The following RPS6KC1 variants were observed in gnomAD, a reference collection of about 807,000 sequenced individuals.
RPS6KC1 encodes ribosomal protein S6 kinase C1, also known as inactive ribosomal protein S6 kinase delta-1.
A neutral mutation model predicts 103.8 loss-of-function variants in RPS6KC1; 54 were observed. The ratio of observed to expected loss-of-function variants is 0.52; its 90% CI spans 0.42 to 0.65. The LOEUF (loss-of-function observed/expected upper bound fraction) is 0.65, where lower values mean the gene tolerates loss of function less well. Ranked by LOEUF, RPS6KC1 falls within the 30% of genes least tolerant of loss-of-function variation. RPS6KC1 has a pLI of 0.00. For missense variants in RPS6KC1, 1,151 were observed against 1,253.8 expected (o/e 0.92, Z 1.24); for synonymous variants, 439 against 438.7 (o/e 1.00, Z -0.01).
the RPS6KC1 span, among the ~76,000 whole-genome samples, chr1:213,437,136 A>G: frequency 6.6e-6 from 1 of 152,088 alleles, no homozygotes; most frequent in Non-Finnish European, 1.5e-5. Flanking sequence ...GTGTGCTATA[A>G]TTTTTCGAAG....
chr1:213,188,574 T>G (rs146929330), intron 8 of RPS6KC1, among the ~76,000 whole-genome samples: 1 of 152,310 alleles, frequency 6.6e-6, no homozygotes, highest in African/African-American at 2.4e-5. Context: ...CAGCTTGCAC[T>G]TATATTTCTA....
intron 1 of RPS6KC1, among the ~76,000 whole-genome samples, chr1:213,064,568 A>C (rs1388135428): frequency 6.7e-6 from 1 of 150,072 alleles, no homozygotes; most frequent in Non-Finnish European, 1.5e-5. Flanking sequence ...GGGTTTCACC[A>C]TGTTGGTCAG....
chr1:213,167,576 T>C (rs1205872244), intron 6 of RPS6KC1, among the ~76,000 whole-genome samples: 1 of 152,048 alleles, frequency 6.6e-6, no homozygotes, highest in Admixed American at 6.6e-5. Context: ...TTCAGAGCTT[T>C]TTACAAATAG....
chr1:213,638,418 T>A, the RPS6KC1 span, among the ~76,000 whole-genome samples: 2 of 152,130 alleles, frequency 1.3e-5, no homozygotes, highest in African/African-American at 4.8e-5. Context: ...TTTTCATGTC[T>A]AGGAGGTCTT....
At chr1:213,542,926 C>T in the RPS6KC1 span, among the ~76,000 whole-genome samples, 1 of 152,144 alleles carries the variant, frequency 6.6e-6, no homozygotes, top group Non-Finnish European at 1.5e-5. Context: ...CGCAAACCAG[C>T]CCTTATGCTA....
the RPS6KC1 span, among the ~76,000 whole-genome samples, chr1:213,368,870 C>T: frequency 6.6e-6 from 1 of 152,170 alleles, no homozygotes. Flanking sequence ...GAAGCTTTGT[C>T]GGTTTTTATG....
At chr1:213,095,761 C>A (rs895355093) in intron 3 of RPS6KC1, among the ~76,000 whole-genome samples, 1 of 152,164 alleles carries the variant, frequency 6.6e-6, no homozygotes, top group Non-Finnish European at 1.5e-5. Context: ...TGTGCAGTAG[C>A]ACTATGTCTT....
intron 12 of RPS6KC1, among the ~76,000 whole-genome samples, chr1:213,254,890 A>G (rs1343156204): frequency 6.6e-6 from 1 of 152,166 alleles, no homozygotes; most frequent in Non-Finnish European, 1.5e-5. Flanking sequence ...AGAAATTGCA[A>G]TTATAGAATG....
chr1:213,838,160 GA>G, the RPS6KC1 span, among the ~76,000 whole-genome samples: 18 of 150,672 alleles, frequency 1.2e-4, no homozygotes, highest in Non-Finnish European at 2.1e-4. Context: ...GTTTCTTCAT[GA>G]AAAAAAAATC....
At chr1:213,803,967 G>T in the RPS6KC1 span, among the ~76,000 whole-genome samples, 15 of 148,752 alleles carry the variant, frequency 1.0e-4, no homozygotes, top group Non-Finnish European at 1.8e-4. Flanking sequence ...GTCGGGGGGT[G>T]GGGGGCTGGG....
intron 6 of RPS6KC1, among the ~76,000 whole-genome samples, chr1:213,162,631 A>T (rs546807887): frequency 8.5e-5 from 13 of 152,356 alleles, no homozygotes; most frequent in Non-Finnish European, 1.5e-4. Flanking sequence ...TTCTCTCTTT[A>T]AAATTGCATA....
chr1:213,289,253 C>CAAAAA, the RPS6KC1 span, among the ~76,000 whole-genome samples: 31 of 76,962 alleles, frequency 4.0e-4, no homozygotes, highest in Middle Eastern at 8.9e-3. Flanking sequence ...GTTGGATGCT[C>CAAAAA]AAAAAAAAAA....
At chr1:213,457,551 A>G in the RPS6KC1 span, among the ~76,000 whole-genome samples, 6 of 152,326 alleles carry the variant, frequency 3.9e-5, no homozygotes, top group Admixed American at 2.0e-4. Context: ...TGGGCAACCC[A>G]CTTCTGCAAC....
At chr1:213,648,307 CA>C in the RPS6KC1 span, among the ~76,000 whole-genome samples, 5 of 152,108 alleles carry the variant, frequency 3.3e-5, no homozygotes, top group Admixed American at 1.3e-4. Flanking sequence ...GTGTCCTTCC[CA>C]TTTTTTAATA....
the RPS6KC1 span, among the ~76,000 whole-genome samples, chr1:213,753,563 CT>C: frequency 1.3e-5 from 2 of 152,140 alleles, no homozygotes; most frequent in Non-Finnish European, 1.5e-5. Context: ...TGCTCACCGT[CT>C]TTGTTTCCCA....
intron 7 of RPS6KC1, among the ~76,000 whole-genome samples, chr1:213,169,325 A>G (rs901353715): frequency 1.3e-5 from 2 of 152,242 alleles, no homozygotes; most frequent in African/African-American, 4.8e-5. Flanking sequence ...CATTTCTTAT[A>G]AAACAAAAAG....
chr1:213,726,818 A>C, the RPS6KC1 span, among the ~76,000 whole-genome samples: 1 of 152,236 alleles, frequency 6.6e-6, no homozygotes, highest in Non-Finnish European at 1.5e-5. Context: ...GAACATATTG[A>C]AGCTAACCCA....
chr1:213,183,225 A>G (rs1236029387), intron 8 of RPS6KC1, among the ~76,000 whole-genome samples: 1 of 152,154 alleles, frequency 6.6e-6, no homozygotes, highest in Non-Finnish European at 1.5e-5. Context: ...ACAGGTGGAG[A>G]CTTCAACTGT....
At chr1:213,664,209 G>C in the RPS6KC1 span, among the ~76,000 whole-genome samples, 1 of 137,196 alleles carries the variant, frequency 7.3e-6, no homozygotes, top group Non-Finnish European at 1.6e-5. Context: ...GCGGGGTGGG[G>C]AGGGGAGCGC....
Sources: allele counts gnomAD v4.1 joint callset (sites outside exome capture counted in the v4.1 genomes callset), GRCh38; gene constraint gnomAD v4.1.1; transcripts MANE v1.5; gene names NCBI Gene and HGNC (gene_info 2026-07-23, HGNC 2026-07-21).